TMEM117: variants seen among roughly 807,000 people sequenced by gnomAD.
The protein encoded by TMEM117 is transmembrane protein 117.
TMEM117 carries 27 observed loss-of-function variants against 52.4 expected under a neutral mutation model. The ratio of observed to expected loss-of-function variants is 0.51; its 90% confidence interval spans 0.38 to 0.71. The LOEUF is 0.71. Among genes scored for constraint, TMEM117 ranks in the 30% least tolerant of loss-of-function variants. The pLI, the probability that TMEM117 is intolerant of heterozygous loss-of-function variation, is 0.00. For missense variants in TMEM117, 556 were observed against 630.5 expected, an observed-to-expected ratio of 0.88 and a Z score of 1.26; for synonymous variants, 215 against 206.3, an observed-to-expected ratio of 1.04 and a Z score of -0.36.
intron 5 of TMEM117, among the ~76,000 whole-genome samples, chr12:44,215,139 G>T (rs1366703451): frequency 6.6e-6 from 1 of 152,162 alleles, no homozygotes; most frequent in Non-Finnish European, 1.5e-5. Context: ...TTTTGCAAAG[G>T]AAATCTTTCT....
the TMEM117 span, among the ~76,000 whole-genome samples, chr12:43,798,363 A>T: frequency 6.6e-6 from 1 of 152,120 alleles, no homozygotes; most frequent in Admixed American, 6.5e-5. Context: ...CATGTACTGG[A>T]AGAGGAGAAA....
At chr12:44,152,328 T>C (rs1948748126) in intron 4 of TMEM117, among the ~76,000 whole-genome samples, 1 of 111,330 alleles carries the variant, frequency 9.0e-6, no homozygotes, top group Admixed American at 1.2e-4. Context: ...CATATAAATA[T>C]ATATATTATA....
At chr12:43,828,211 A>G in the TMEM117 span, among the ~76,000 whole-genome samples, 2 of 152,220 alleles carry the variant, frequency 1.3e-5, no homozygotes, top group South Asian at 4.1e-4. Flanking sequence ...GGATATGGGA[A>G]TTGTACCTTA....
chr12:43,914,915 A>G (rs1171453916), intron 2 of TMEM117, among the ~76,000 whole-genome samples: 3 of 152,152 alleles, frequency 2.0e-5, no homozygotes, highest in Non-Finnish European at 1.5e-5. Flanking sequence ...CAGCAAATTT[A>G]TATTAAAACT....
At chr12:44,049,252 C>T (rs773058865) in intron 3 of TMEM117, among the ~76,000 whole-genome samples, 8 of 152,128 alleles carry the variant, frequency 5.3e-5, no homozygotes, top group Admixed American at 2.0e-4. Context: ...GTATTGAGAT[C>T]ATGTCTTTTG....
At position 44,084,208 on chromosome 12, in the gene TMEM117, T is replaced by C. The variant is rs764961975; in HGVS notation, c.411-59317T>C. Among the ~76,000 whole-genome samples the C allele has an allele frequency of 7.2e-5, 11 of 152,186 alleles. No individual in the cohort carries two copies. The South Asian group carries it at 8.3e-4, about 11-fold the overall frequency. On this transcript the variant is annotated intron_variant, in intron 3 of 7. Transcript: ENST00000266534. ...CCTTTAGATTCTAACATATTTATTA[T>C]TGGAACAAGGGGAATACTAAATTTG...
At chr12:44,187,614 A>G (rs954963398) in intron 4 of TMEM117, among the ~76,000 whole-genome samples, 1 of 152,174 alleles carries the variant, frequency 6.6e-6, no homozygotes, top group African/African-American at 2.4e-5. Flanking sequence ...GACAATGGAT[A>G]TGTTGCATTT....
intron 2 of TMEM117, among the ~76,000 whole-genome samples, chr12:43,873,649 GTCTT>G (rs533110887): frequency 7.7e-4 from 115 of 148,798 alleles, no homozygotes; most frequent in African/African-American, 2.5e-3. Context: ...CTTAAATTTT[GTCTT>G]TCTTTCTGTA....
the TMEM117 span, among the ~76,000 whole-genome samples, chr12:43,818,392 T>TA: frequency 7.9e-5 from 12 of 151,814 alleles, no homozygotes; most frequent in African/African-American, 2.9e-4. Context: ...CACCTTAACC[T>TA]AGTTTTCTTA....
Position 44,271,619 on chromosome 12 carries a change from TTAAAGA to T in TMEM117, c.609-27957_609-27952del, listed in dbSNP as rs2138568913. ...AATCCACTTAAAATTGTTTAAGGTCTTAAAGATAAGACCTGAAACTATAAAACTACT... is the reference window on the plus strand; with the variant it reads ...AATCCACTTAAAATTGTTTAAGGTCTTAAGACCTGAAACTATAAAACTACT... On this transcript the variant is annotated intron_variant, in intron 5 of 7. Coordinates refer to ENST00000266534, the MANE Select transcript of TMEM117 (RefSeq NM_032256.3). Among the ~76,000 whole-genome samples the T allele has an allele frequency of 2.0e-5, 3 of 152,238 alleles. No individual in the cohort carries two copies. In the South Asian group the frequency reaches 6.2e-4, roughly 32 times the overall value.
At chr12:44,105,823 G>T (rs1036999481) in intron 3 of TMEM117, among the ~76,000 whole-genome samples, 5 of 152,002 alleles carry the variant, frequency 3.3e-5, no homozygotes, top group African/African-American at 9.7e-5. Context: ...GGCAGGTCTC[G>T]TGAAGAGCAG....
intron 5 of TMEM117, among the ~76,000 whole-genome samples, chr12:44,289,054 C>T (rs1463954376): frequency 2.0e-5 from 3 of 152,200 alleles, no homozygotes; most frequent in African/African-American, 7.2e-5. Flanking sequence ...TGTTCTTCTA[C>T]TCTTTGCTTC....
chr12:43,965,801 A>G (rs10785488), intron 3 of TMEM117, among the ~76,000 whole-genome samples: 149,873 of 152,292 alleles, frequency 0.98, 73,784 homozygotes, highest in Non-Finnish European at 1. Flanking sequence ...GGTTTGTTAC[A>G]TGGTATTGCG....
In TMEM117 at chr12:43,958,844, T is replaced by A. The variant is rs984586215; in HGVS notation, c.410+14502T>A. On this transcript the variant is annotated intron_variant, in intron 3 of 7. Transcript: ENST00000266534. ...GTTTTTGAGACAGAGTCTCACTCTG[T>A]CGCCCTGGCTGGAGTGCAGTGGCGG... is the stretch of plus-strand genomic sequence containing the variant. 5.3e-5 allele frequency among the ~76,000 whole-genome samples: 8 copies of A among 152,090 alleles called. 1 individual carries two copies. Among genetic ancestry groups the A allele is most frequent in the African/African-American group, 1.9e-4 (8 of 41,388 alleles).
chr12:44,252,167 C>G (rs1341532517), intron 5 of TMEM117, among the ~76,000 whole-genome samples: 1 of 152,152 alleles, frequency 6.6e-6, no homozygotes, highest in Non-Finnish European at 1.5e-5. Flanking sequence ...GCCTACAAGG[C>G]CTTTCTCCTT....
intron 2 of TMEM117, among the ~76,000 whole-genome samples, chr12:43,885,798 C>T (rs1943983712): frequency 6.6e-6 from 1 of 152,106 alleles, no homozygotes; most frequent in Non-Finnish European, 1.5e-5. Context: ...AGAAGACAGA[C>T]ATTTAGTTCA....
chr12:44,227,659 G>T (rs1466461541), intron 5 of TMEM117, among the ~76,000 whole-genome samples: 1 of 151,942 alleles, frequency 6.6e-6, no homozygotes, highest in Non-Finnish European at 1.5e-5. Flanking sequence ...TATATATGTC[G>T]CATTTTCATA....
intron 3 of TMEM117, among the ~76,000 whole-genome samples, chr12:43,957,029 C>G (rs570970140): frequency 5.1e-4 from 77 of 152,280 alleles, no homozygotes; most frequent in African/African-American, 1.8e-3. Flanking sequence ...TGGAAGCCAT[C>G]ATCCTCAGCA....
upstream of TMEM117, chr12:43,835,940 G>T (rs1425563014): frequency 6.6e-6 from 1 of 151,660 alleles, no homozygotes; most frequent in African/African-American, 2.4e-5. Context: ...GTGCCCTTGC[G>T]CTCGCGTTGC....
Sources: gnomAD v4.1 joint callset for allele counts (sites outside exome capture counted in the v4.1 genomes callset) on GRCh38, gnomAD v4.1.1 for gene constraint, MANE v1.5 for transcripts, NCBI Gene and HGNC (gene_info 2026-07-23, HGNC 2026-07-21) for gene names.